ANO3: variants seen among roughly 807,000 people sequenced by gnomAD.
ANO3 encodes the protein anoctamin-3.
ANO3 carries 99 observed loss-of-function variants against 144.8 expected under a neutral mutation model. That is an observed-to-expected ratio of 0.68 (90% confidence interval 0.58 to 0.81). The LOEUF is 0.81. ANO3 is among the 30% of genes least tolerant of loss of function. ANO3 has a pLI of 0.00. For missense variants in ANO3, 905 were observed against 1,202.2 expected (o/e 0.75, Z 3.66); for synonymous variants, 414 against 392.6 (o/e 1.05, Z -0.64).
At chr11:26,651,765 G>A (rs1223386019) in intron 24 of ANO3, among the ~76,000 whole-genome samples, 1 of 152,132 alleles carries the variant, frequency 6.6e-6, no homozygotes, top group South Asian at 2.1e-4. Flanking sequence ...AAATGCAAAG[G>A]GGTTCTGAGG....
chr11:26,599,607 G>C lies in ANO3; in HGVS notation c.1729G>C (p.Glu577Gln). Reference protein sequence around the residue: ...GVVVYRLVVMEQFASFKWNFI... With the variant: ...GVVVYRLVVMQQFASFKWNFI... Reference sequence around the variant, plus strand: ...TGTGGTGTACCGCCTGGTTGTCATGGAACAGTTTGCATCATTCAAGTGGAA... The same window carrying C: ...TGTGGTGTACCGCCTGGTTGTCATGCAACAGTTTGCATCATTCAAGTGGAA... The change falls in exon 17 of 27, where the codon GAA (glutamate) becomes CAA (glutamine). Residue 577 changes from glutamate (E) to glutamine (Q), a missense_variant. Around this residue, in one of 4 missense-constraint regions of ANO3, gnomAD observed 597 missense variants for 865.1 expected, o/e 0.69. Transcript: ENST00000256737. The C allele has an allele frequency of 1.2e-6, 2 of 1,614,130 alleles. No homozygotes were observed. The highest frequency in any genetic ancestry group is 1.7e-6 in the Non-Finnish European group (2 of 1,180,006).
intron 19 of ANO3, among the ~76,000 whole-genome samples, 192 bp from the exon 20 acceptor site, chr11:26,634,821 C>T (rs1264548943): frequency 6.6e-6 from 1 of 152,122 alleles, no homozygotes; most frequent in Non-Finnish European, 1.5e-5. Flanking sequence ...TTTCTTGACC[C>T]ATTAGTTCAC....
At chr11:26,214,494 C>T (rs11029395) in intron 1 of ANO3, among the ~76,000 whole-genome samples, 2,329 of 152,030 alleles carry the variant, frequency 0.015, 50 homozygotes, top group East Asian at 0.13. Flanking sequence ...TGGACATGTA[C>T]GGCTGAATTC....
chr11:26,354,036 T>G (rs1478295117), intron 1 of ANO3, among the ~76,000 whole-genome samples: 1 of 152,212 alleles, frequency 6.6e-6, no homozygotes, highest in Non-Finnish European at 1.5e-5. Context: ...AATCTAGACC[T>G]CTATTAAAAT....
Position 26,359,692 on chromosome 11 carries a change from G to A in ANO3, c.46+27371G>A, listed in dbSNP as rs1396025163. 3.9e-5 allele frequency among the ~76,000 whole-genome samples: 6 copies of A among 152,192 alleles called. No individual in the cohort carries two copies. The East Asian group carries it at 9.7e-4, about 25-fold the overall frequency. ...TTTGGATTTCCTCTCAGTGCACAAT[G>A]TCCTGGAAACTAAAGGCAATAAACT... On this transcript the variant is annotated intron_variant, in intron 1 of 26. Coordinates refer to ENST00000256737, the MANE Select transcript of ANO3 (RefSeq NM_031418.4).
Position 26,332,176 on chromosome 11 carries a change from C to A in ANO3, c.-100C>A, listed in dbSNP as rs765703818. ...AGCAGGTGTCGGATTGCAGTGCGCT[C>A]GCTGAGGCTCCGGACCTTGGAGCGT... is the stretch of plus-strand genomic sequence containing the variant. On this transcript the variant is annotated 5_prime_UTR_variant, in exon 1 of 27. Coordinates refer to ENST00000256737, the MANE Select transcript of ANO3 (RefSeq NM_031418.4). 44 of 1,605,458 alleles carry A rather than the reference C, an allele frequency of 2.7e-5. No homozygotes were observed. The highest frequency in any genetic ancestry group is 3.4e-5 in the Non-Finnish European group (40 of 1,176,022).
intron 1 of ANO3, among the ~76,000 whole-genome samples, chr11:26,437,269 G>A (rs1311915670): frequency 6.6e-6 from 1 of 152,192 alleles, no homozygotes; most frequent in Non-Finnish European, 1.5e-5. Context: ...AAGTTCCTGG[G>A]GCTCCACGTG....
intron 1 of ANO3, among the ~76,000 whole-genome samples, chr11:26,410,366 A>C (rs1247213213): frequency 6.6e-6 from 1 of 152,072 alleles, no homozygotes; most frequent in Non-Finnish European, 1.5e-5. Flanking sequence ...AGGAAGTCTA[A>C]TTTAACTGAG....
At chr11:26,373,760 G>C (rs909554369) in intron 1 of ANO3, among the ~76,000 whole-genome samples, 2 of 152,110 alleles carry the variant, frequency 1.3e-5, no homozygotes, top group African/African-American at 4.8e-5. Flanking sequence ...ATCGTACATA[G>C]TAAGTTTTTA....
chr11:26,640,261 T>G (rs188330284), intron 21 of ANO3, among the ~76,000 whole-genome samples: 381 of 152,350 alleles, frequency 2.5e-3, no homozygotes, highest in African/African-American at 8.7e-3. Context: ...AATAGGATAT[T>G]TATGAAGATT....
chr11:26,252,674 T>C (rs1011530235), intron 1 of ANO3, among the ~76,000 whole-genome samples: 1 of 152,180 alleles, frequency 6.6e-6, no homozygotes, highest in Non-Finnish European at 1.5e-5. Context: ...CAACATAAAC[T>C]CCTACTTATA....
intron 1 of ANO3, among the ~76,000 whole-genome samples, chr11:26,279,459 A>T (rs1439435545): frequency 6.6e-6 from 1 of 152,218 alleles, no homozygotes; most frequent in Non-Finnish European, 1.5e-5. Flanking sequence ...AAGATTTCAT[A>T]TGCAGAATAA....
intron 4 of ANO3, among the ~76,000 whole-genome samples, chr11:26,479,329 C>T (rs750070599): frequency 2.8e-4 from 43 of 152,250 alleles, no homozygotes; most frequent in Non-Finnish European, 4.9e-4. Context: ...GATTTTTTAA[C>T]AGTATGTACA....
intron 1 of ANO3, among the ~76,000 whole-genome samples, chr11:26,325,103 C>T (rs952409942): frequency 1.3e-5 from 2 of 152,150 alleles, no homozygotes; most frequent in African/African-American, 4.8e-5. Flanking sequence ...AAATGTAATG[C>T]TATAAATTTT....
At chr11:26,200,093 T>C (rs1050546190) in intron 1 of ANO3, among the ~76,000 whole-genome samples, 9 of 152,120 alleles carry the variant, frequency 5.9e-5, no homozygotes, top group Admixed American at 5.2e-4. Flanking sequence ...GAGCCTGGTA[T>C]TGTCAAAAAT....
chr11:26,471,704 A>C (rs1407971948), intron 4 of ANO3, among the ~76,000 whole-genome samples: 1 of 151,974 alleles, frequency 6.6e-6, no homozygotes, highest in East Asian at 1.9e-4. Flanking sequence ...ACCTGAGAGA[A>C]TGAAATTAGG....
intron 1 of ANO3, among the ~76,000 whole-genome samples, chr11:26,363,389 A>G (rs1174181959): frequency 6.6e-6 from 1 of 152,148 alleles, no homozygotes; most frequent in African/African-American, 2.4e-5. Flanking sequence ...GTTTAATTTC[A>G]GGAGGGTGTT....
chr11:26,372,309 G>A, intron 1 of ANO3, among the ~76,000 whole-genome samples: 1 of 152,104 alleles, frequency 6.6e-6, no homozygotes, highest in East Asian at 1.9e-4. Flanking sequence ...GTTTCCTGAG[G>A]CCTCCCCAGC....
At chr11:26,213,112 T>C (rs1448677834) in intron 1 of ANO3, among the ~76,000 whole-genome samples, 1 of 152,000 alleles carries the variant, frequency 6.6e-6, no homozygotes, top group Non-Finnish European at 1.5e-5. Flanking sequence ...TAATAAACTG[T>C]GTATTGATGA....
Sources: gnomAD v4.1 joint callset for allele counts (sites outside exome capture counted in the v4.1 genomes callset) on GRCh38, gnomAD v4.1.1 for gene constraint, gnomAD v4.1.1 regional missense constraint, MANE v1.5 for transcripts, NCBI Gene and HGNC (gene_info 2026-07-23, HGNC 2026-07-21) for gene names.